MROH9: variants seen among roughly 807,000 people sequenced by gnomAD.
MROH9 encodes maestro heat-like repeat-containing protein family member 9.
Under a neutral mutation model 98.2 loss-of-function variants are expected in MROH9, and 92 were observed. That is an observed-to-expected ratio of 0.94 (90% CI 0.79 to 1.11). MROH9 has a LOEUF of 1.11. MROH9 is among the 50% of genes most tolerant of loss of function. MROH9 has a pLI of 0.00. For synonymous variants in MROH9, 397 were observed against 368.9 expected (o/e 1.08, Z -0.87); for missense variants, 1,057 against 1,014.8 (o/e 1.04, Z -0.57).
intron 8 of MROH9, among the ~76,000 whole-genome samples, chr1:170,974,586 G>T (rs1178442602): frequency 2.0e-5 from 3 of 151,830 alleles, no homozygotes; most frequent in Non-Finnish European, 4.4e-5. Flanking sequence ...AAAATAAAAA[G>T]TAAAATAAAG....
chr1:170,971,897 A>C lies in MROH9; in HGVS notation c.616+14A>C, dbSNP rs1178966213. 6.2e-7 allele frequency: 1 copy of C among 1,611,514 alleles called. No individual in the cohort carries two copies. On this transcript the variant is annotated intron_variant, in intron 8 of 21. Coordinates refer to ENST00000367759, the MANE Select transcript of MROH9 (RefSeq NM_001163629.2). ...GGTGTCAGAACGGTAAGAACAGTTC[A>C]CCATCTTTTCTCAGGATTACTAAGA...
In MROH9 at chr1:170,982,350, A is replaced by G. The variant is rs191933021; in HGVS notation, c.617-1072A>G. On this transcript the variant is annotated intron_variant, in intron 8 of 21. Coordinates refer to ENST00000367759, the MANE Select transcript of MROH9 (RefSeq NM_001163629.2). ...GTGAAAGAAGCCAATCCCCCCAAAAAAGAGTATATATGGTATGATCCACTT... is the reference window on the plus strand; with the variant it reads ...GTGAAAGAAGCCAATCCCCCCAAAAGAGAGTATATATGGTATGATCCACTT... 4.9e-3 allele frequency among the ~76,000 whole-genome samples: 743 copies of G among 152,222 alleles called. 4 individuals are homozygous for G. Among genetic ancestry groups the G allele is most frequent in the South Asian group, 0.017 (84 of 4,818 alleles).
intron 15 of MROH9, among the ~76,000 whole-genome samples, chr1:171,013,009 C>T (rs1652212331): frequency 1.3e-5 from 2 of 152,112 alleles, no homozygotes; most frequent in Non-Finnish European, 2.9e-5. Context: ...TCCCTCTCCC[C>T]TCCTCTCTCT....
chr1:170,943,154 GA>G (rs1649191064), intron 1 of MROH9, among the ~76,000 whole-genome samples: 1 of 151,756 alleles, frequency 6.6e-6, no homozygotes, highest in Admixed American at 6.6e-5. Flanking sequence ...ACAAAAACTG[GA>G]AAAATATCAA....
At chr1:170,992,022 C>A in intron 11 of MROH9, 142 bp from the exon 12 acceptor site, 1 of 689,708 alleles carries the variant, frequency 1.4e-6, no homozygotes. Flanking sequence ...AAATAGGAAT[C>A]TCAGTTTGCT....
intron 20 of MROH9, among the ~76,000 whole-genome samples, chr1:171,029,462 C>G (rs1028716666): frequency 6.6e-6 from 1 of 152,092 alleles, no homozygotes; most frequent in Non-Finnish European, 1.5e-5. Flanking sequence ...CCTGCCTCAG[C>G]CTCCTAAAGT....
At position 171,025,297 on chromosome 1, in the gene MROH9, T is replaced by G. The variant is rs1266511127; in HGVS notation, c.2179-21T>G. The G allele has an allele frequency of 4.1e-6, 6 of 1,460,472 alleles. No individual in the cohort carries two copies. The South Asian group carries it at 7.3e-5, about 18-fold the overall frequency. The allele number at this position is 1,460,472 out of a possible 1,614,324, so 90.5% of individuals were successfully genotyped here. On this transcript the variant is annotated intron_variant, in intron 19 of 21. Transcript: ENST00000367759. ...TATTTCAGCAATCGAGTGAGGTGCT[T>G]TTTTCCCTTTTTATTCTCAGATTAT...
At chr1:171,024,348 A>G in intron 17 of MROH9, 47 bp from the exon 18 acceptor site, 1 of 1,500,094 alleles carries the variant, frequency 6.7e-7, no homozygotes, top group Non-Finnish European at 9.1e-7. Context: ...CTGATTGAAG[A>G]AAAAAGCCCT....
At position 171,005,061 on chromosome 1, in the gene MROH9, G is replaced by A. The variant is rs143427908; in HGVS notation, c.1596+6787G>A. On this transcript the variant is annotated intron_variant, in intron 15 of 21. Transcript: ENST00000367759. ...ATTGAATGTGTAAATCACTTCGGGT[G>A]GTATAGACATTTTTATTTTTTTGAG... Among the ~76,000 whole-genome samples the A allele has an allele frequency of 2.0e-5, 3 of 151,866 alleles. No individual in the cohort carries two copies. The East Asian group carries it at 5.8e-4, about 29-fold the overall frequency.
intron 11 of MROH9, among the ~76,000 whole-genome samples, chr1:170,991,123 G>T (rs565198163): frequency 6.6e-6 from 1 of 152,098 alleles, no homozygotes; most frequent in Admixed American, 6.6e-5. Flanking sequence ...AATAAATCTG[G>T]TACAAGCAAT....
In MROH9 at chr1:170,989,928, T is replaced by A; in HGVS notation, c.953T>A (p.Val318Asp). Residue 318 changes from valine to aspartate, a missense_variant, in exon 11 of 22, where the codon GTT (valine) becomes GAT (aspartate). Transcript: ENST00000367759. Reference sequence around the variant, plus strand: ...TGTATGAAGGATGTTATGTTGCAGGTTATCACTTTGTTGACATGCACTTCA... The same window carrying A: ...TGTATGAAGGATGTTATGTTGCAGGATATCACTTTGTTGACATGCACTTCA... ...NNCMKDVMLQ[V>D]ITLLTCTSPK... The A allele has an allele frequency of 6.2e-7, 1 of 1,613,442 alleles. No homozygotes were observed. Among genetic ancestry groups the A allele is most frequent in the Non-Finnish European group, 8.5e-7 (1 of 1,179,532 alleles).
intron 20 of MROH9, among the ~76,000 whole-genome samples, chr1:171,026,303 C>T (rs574287504): frequency 3.2e-4 from 48 of 149,414 alleles, no homozygotes; most frequent in African/African-American, 1.2e-3. Context: ...AAGACAGAAT[C>T]TTGCTCTGTC....
At chr1:171,001,512 C>T (rs73038278) in intron 15 of MROH9, among the ~76,000 whole-genome samples, 13,570 of 152,152 alleles carry the variant, frequency 0.089, 770 homozygotes, top group African/African-American at 0.16. Flanking sequence ...ACCCAATGCT[C>T]ATTCAGGAGC....
intron 15 of MROH9, among the ~76,000 whole-genome samples, chr1:171,004,441 C>A (rs886082330): frequency 2.6e-5 from 4 of 152,156 alleles, no homozygotes; most frequent in Non-Finnish European, 5.9e-5. Flanking sequence ...TTCCCCTACC[C>A]CTGTATTTCA....
intron 20 of MROH9, among the ~76,000 whole-genome samples, chr1:171,042,703 T>C (rs1653345843): frequency 6.6e-6 from 1 of 152,112 alleles, no homozygotes; most frequent in Non-Finnish European, 1.5e-5. Flanking sequence ...CAGGATGTCA[T>C]TGTAGTTTTG....
Position 171,060,019 on chromosome 1 carries a change from C to T in MROH9, c.2282-2113C>T, listed in dbSNP as rs757570127. On this transcript the variant is annotated intron_variant, in intron 20 of 21. Transcript: ENST00000367759. Reference sequence around the variant, plus strand: ...GAGAAAGAAAATAAATTTCTCTCTACGATTAAAAAAAAAAGACTACCTATT... The same window carrying T: ...GAGAAAGAAAATAAATTTCTCTCTATGATTAAAAAAAAAAGACTACCTATT... Among the ~76,000 whole-genome samples the T allele has an allele frequency of 3.0e-4, 46 of 151,256 alleles. No individual in the cohort carries two copies. In the East Asian group the frequency reaches 3.5e-3, roughly 12 times the overall value.
At chr1:170,989,113 G>T (rs970727594) in intron 10 of MROH9, among the ~76,000 whole-genome samples, 1 of 152,062 alleles carries the variant, frequency 6.6e-6, no homozygotes, top group African/African-American at 2.4e-5. Flanking sequence ...ATGTAAATTT[G>T]CATCAACTAA....
At chr1:171,045,715 A>G (rs72712608) in intron 20 of MROH9, among the ~76,000 whole-genome samples, 13,674 of 152,264 alleles carry the variant, frequency 0.09, 766 homozygotes, top group Middle Eastern at 0.22. Context: ...CCTAACATAC[A>G]GTCTATCTGT....
intron 10 of MROH9, among the ~76,000 whole-genome samples, chr1:170,989,157 T>C (rs931826792): frequency 6.6e-6 from 1 of 152,112 alleles, no homozygotes; most frequent in African/African-American, 2.4e-5. Context: ...AGTCTAAAAT[T>C]TATGATCCAG....
Sources: gnomAD v4.1 joint callset for allele counts (sites outside exome capture counted in the v4.1 genomes callset) on GRCh38, gnomAD v4.1.1 for gene constraint, MANE v1.5 for transcripts, NCBI Gene and HGNC (gene_info 2026-07-23, HGNC 2026-07-21) for gene names.